The following USH2A variants were observed in gnomAD, a reference collection of about 807,000 sequenced individuals.
USH2A encodes usherin.
A neutral mutation model predicts 538.9 loss-of-function variants in USH2A; 443 were observed. The ratio of observed to expected loss-of-function variants is 0.82; its 90% CI spans 0.76 to 0.89. The LOEUF (loss-of-function observed/expected upper bound fraction) is 0.89, where lower values mean the gene tolerates loss of function less well. Ranked by LOEUF, USH2A falls within the 40% of genes least tolerant of loss-of-function variation. USH2A has a pLI of 0.00. For missense variants in USH2A, 6,633 were observed against 6,324.8 expected (o/e 1.05, Z -1.65); for synonymous variants, 2,413 against 2,273.5 (o/e 1.06, Z -1.75).
chr1:215,996,314 T>C (rs766128812), intron 34 of USH2A, among the ~76,000 whole-genome samples: 2 of 152,310 alleles, frequency 1.3e-5, no homozygotes, highest in South Asian at 4.1e-4. Context: ...AAAAGGCCAC[T>C]TGATCCATAA....
rs141943290 is a variant in USH2A, at chr1:215,675,286, C to T, written c.12625G>A (p.Glu4209Lys). The change falls in exon 63 of 72, where the codon GAG (glutamate) becomes AAG (lysine). Residue 4209 changes from glutamate (E) to lysine (K), a missense_variant. Glu to Lys is a moderately conservative substitution (Grantham distance 56). Coordinates refer to ENST00000307340, the MANE Select transcript of USH2A (RefSeq NM_206933.4). ...TTATATTCTGTGAAAACAATTTTCT[C>T]GTCGGCCTGGATTGTCTGATTTCCC... ...AWGNQTIQAD[E>K]KIVFTEYNTE... 4.2e-5 allele frequency: 68 copies of T among 1,613,994 alleles called. No individual in the cohort carries two copies. In the Middle Eastern group the frequency reaches 4.9e-4, roughly 12 times the overall value.
At chr1:216,249,362 T>G (rs1304396914) in intron 12 of USH2A, among the ~76,000 whole-genome samples, 1 of 152,118 alleles carries the variant, frequency 6.6e-6, no homozygotes, top group Non-Finnish European at 1.5e-5. Flanking sequence ...CCTCAAGCTC[T>G]GGAATCTAAC....
intron 18 of USH2A, 66 bp downstream of exon 18, chr1:216,198,249 C>A: frequency 6.2e-7 from 1 of 1,609,664 alleles, no homozygotes; most frequent in Non-Finnish European, 8.5e-7. Flanking sequence ...AGTACTTTGA[C>A]TTTAATTTGA....
At position 215,785,582 on chromosome 1, in the gene USH2A, C is replaced by T. The variant is rs556547464; in HGVS notation, c.10387+1088G>A. 2.6e-5 allele frequency among the ~76,000 whole-genome samples: 4 copies of T among 152,254 alleles called. No individual in the cohort carries two copies. In the South Asian group the frequency reaches 6.2e-4, roughly 24 times the overall value. On this transcript the variant is annotated intron_variant, in intron 52 of 71. Transcript: ENST00000307340. Reference sequence around the variant, plus strand: ...GTAAATGACAAGTTAATGGGTGCAGCACACCAACATGGCACATGTATACAT... The same window carrying T: ...GTAAATGACAAGTTAATGGGTGCAGTACACCAACATGGCACATGTATACAT...
intron 3 of USH2A, among the ~76,000 whole-genome samples, chr1:216,398,018 A>G (rs1044986755): frequency 1.3e-5 from 2 of 152,220 alleles, no homozygotes; most frequent in Admixed American, 6.5e-5. Context: ...TTTGACAAGC[A>G]TATCTTCTCT....
intron 37 of USH2A, among the ~76,000 whole-genome samples, chr1:215,954,651 A>G (rs1387255848): frequency 6.6e-6 from 1 of 152,034 alleles, no homozygotes; most frequent in Non-Finnish European, 1.5e-5. Flanking sequence ...CCAACATGGC[A>G]CATGTATACA....
intron 38 of USH2A, among the ~76,000 whole-genome samples, chr1:215,905,497 T>G (rs1339119712): frequency 1.3e-5 from 2 of 152,058 alleles, no homozygotes; most frequent in Admixed American, 6.6e-5. Context: ...TAATCTACTT[T>G]ATGTTTAACA....
chr1:215,926,570 C>T (rs928126529), intron 38 of USH2A, among the ~76,000 whole-genome samples: 1 of 142,244 alleles, frequency 7.0e-6, no homozygotes, highest in African/African-American at 2.6e-5. Flanking sequence ...ACTTTGGAAG[C>T]GTGTCTTTTT....
intron 11 of USH2A, among the ~76,000 whole-genome samples, chr1:216,273,161 T>C (rs1438214948): frequency 6.6e-6 from 1 of 151,964 alleles, no homozygotes; most frequent in Admixed American, 6.6e-5. Flanking sequence ...CAGATGATAG[T>C]AAAGGGGTGT....
chr1:216,037,367 G>T (rs541392010), intron 32 of USH2A, among the ~76,000 whole-genome samples: 1 of 152,016 alleles, frequency 6.6e-6, no homozygotes, highest in Admixed American at 6.6e-5. Flanking sequence ...TTGTTTTTTG[G>T]TCCTCCAGAA....
chr1:215,914,104 C>A (rs61429110), intron 38 of USH2A, among the ~76,000 whole-genome samples: 19,799 of 133,256 alleles, frequency 0.15, 1,568 homozygotes, highest in Middle Eastern at 0.16. Context: ...GACAGAGTCT[C>A]GCTCTGTCAC....
intron 32 of USH2A, among the ~76,000 whole-genome samples, chr1:216,032,247 C>T (rs772270871): frequency 4.6e-5 from 7 of 151,984 alleles, no homozygotes; most frequent in Non-Finnish European, 8.8e-5. Flanking sequence ...GATGATATAA[C>T]AATAATTTCC....
chr1:216,378,785 T>C (rs2038881854), intron 3 of USH2A, among the ~76,000 whole-genome samples: 1 of 152,074 alleles, frequency 6.6e-6, no homozygotes, highest in Non-Finnish European at 1.5e-5. Context: ...CAACATCTAC[T>C]AATAGAACAA....
intron 41 of USH2A, among the ~76,000 whole-genome samples, chr1:215,884,412 G>A (rs1483837072): frequency 1.3e-5 from 2 of 152,128 alleles, no homozygotes; most frequent in East Asian, 3.9e-4. Context: ...GTGTAAAGAA[G>A]TAGAGAAGAA....
At chr1:216,268,738 T>C (rs2036522151) in intron 11 of USH2A, among the ~76,000 whole-genome samples, 2 of 152,114 alleles carry the variant, frequency 1.3e-5, no homozygotes, top group African/African-American at 2.4e-5. Flanking sequence ...GGTGTTTGCA[T>C]AGGCTGCTGC....
At chr1:215,625,922 TG>T in intron 71 of USH2A, 52 bp from the exon 72 acceptor site, 1 of 1,526,072 alleles carries the variant, frequency 6.6e-7, no homozygotes, top group Non-Finnish European at 9.1e-7. Flanking sequence ...CAATAGTATT[TG>T]CTATCAATTT....
At chr1:215,693,985 T>C (rs556003755) in intron 61 of USH2A, among the ~76,000 whole-genome samples, 3 of 152,250 alleles carry the variant, frequency 2.0e-5, no homozygotes, top group Non-Finnish European at 4.4e-5. Flanking sequence ...AGGGCTGCTA[T>C]GCTTGTAACT....
chr1:216,249,597 A>T (rs2036119028), intron 12 of USH2A, among the ~76,000 whole-genome samples: 1 of 152,124 alleles, frequency 6.6e-6, no homozygotes, highest in Non-Finnish European at 1.5e-5. Context: ...TTTCTAAAAA[A>T]TTAGTTTCTG....
chr1:216,310,314 T>C (rs61584034), intron 9 of USH2A, among the ~76,000 whole-genome samples: 42,104 of 151,978 alleles, frequency 0.28, 6,138 homozygotes, highest in African/African-American at 0.38. Flanking sequence ...ACTATACCTT[T>C]TTAAAACTTT....
Sources: allele counts gnomAD v4.1 joint callset (sites outside exome capture counted in the v4.1 genomes callset), GRCh38; gene constraint gnomAD v4.1.1; transcripts MANE v1.5; gene names NCBI Gene and HGNC (gene_info 2026-07-23, HGNC 2026-07-21).